The following PPP2R2B variants were observed in gnomAD, a reference collection of about 807,000 sequenced individuals.
PPP2R2B encodes protein phosphatase 2 regulatory subunit Bbeta, also known as serine/threonine-protein phosphatase 2A 55 kDa regulatory subunit B beta isoform.
A neutral mutation model predicts 46.0 loss-of-function variants in PPP2R2B; 5 were observed. The observed-to-expected ratio is 0.11, with a 90% CI of 0.06 to 0.23. PPP2R2B has a LOEUF of 0.23. PPP2R2B is among the 10% of genes least tolerant of loss of function. The pLI, the probability that PPP2R2B is intolerant of heterozygous loss-of-function variation, is 1.00. For missense variants in PPP2R2B, 367 were observed against 575.0 expected (o/e 0.64, Z 3.70); for synonymous variants, 215 against 206.7 (o/e 1.04, Z -0.34).
chr5:146,947,751 C>T (rs934038582), intron 1 of PPP2R2B, among the ~76,000 whole-genome samples: 2 of 151,862 alleles, frequency 1.3e-5, no homozygotes, highest in African/African-American at 4.8e-5. Context: ...TCACATCTCA[C>T]CATCTACCAC....
chr5:146,952,699 G>A (rs1354872019), intron 1 of PPP2R2B, among the ~76,000 whole-genome samples: 6 of 152,122 alleles, frequency 3.9e-5, no homozygotes, highest in African/African-American at 1.2e-4. Context: ...AAGGTACAAT[G>A]TTATAAGAAA....
chr5:146,743,939 T>C (rs1753026318), intron 2 of PPP2R2B, among the ~76,000 whole-genome samples: 1 of 152,178 alleles, frequency 6.6e-6, no homozygotes, highest in Non-Finnish European at 1.5e-5. Flanking sequence ...CTGACCTTAT[T>C]GATTATTTCC....
At chr5:146,899,972 G>A (rs2151434222) in intron 1 of PPP2R2B, among the ~76,000 whole-genome samples, 1 of 152,194 alleles carries the variant, frequency 6.6e-6, no homozygotes, top group South Asian at 2.1e-4. Context: ...ATTGTCACTG[G>A]AAAATTTCTT....
chr5:146,936,014 A>G (rs1764128143), intron 1 of PPP2R2B, among the ~76,000 whole-genome samples: 2 of 152,192 alleles, frequency 1.3e-5, no homozygotes, highest in Admixed American at 6.5e-5. Context: ...TGTACCTGGC[A>G]GATTGGAGGT....
chr5:146,643,686 A>G lies in PPP2R2B; in HGVS notation c.626-5271T>C, dbSNP rs571319807. Among the ~76,000 whole-genome samples the G allele has an allele frequency of 7.2e-5, 11 of 152,358 alleles. No homozygotes were observed. In the East Asian group the frequency reaches 1.9e-3, roughly 27 times the overall value. The stretch of plus-strand genomic sequence containing the variant: ...GTGCACCAAATTCTCACAAATCACC[A>G]CTAAAGAACTTACTCATGTAACCAA... On this transcript the variant is annotated intron_variant, in intron 6 of 9. Coordinates refer to ENST00000394411, the MANE Select transcript of PPP2R2B (RefSeq NM_181675.4).
chr5:147,007,382 T>G (rs2151874426), intron 1 of PPP2R2B, among the ~76,000 whole-genome samples: 1 of 152,148 alleles, frequency 6.6e-6, no homozygotes, highest in African/African-American at 2.4e-5. Flanking sequence ...CAATCAGCAC[T>G]CTGTAAAAAT....
chr5:146,857,670 C>T (rs1760753939), intron 2 of PPP2R2B, among the ~76,000 whole-genome samples: 1 of 151,694 alleles, frequency 6.6e-6, no homozygotes, highest in African/African-American at 2.4e-5. Flanking sequence ...TATCTTAAGA[C>T]ATATACATAA....
chr5:146,798,872 GAATTT>G lies in PPP2R2B; in HGVS notation c.70+79125_70+79129del. Among the ~76,000 whole-genome samples, 3 of 152,256 alleles carry G rather than the reference GAATTT, an allele frequency of 2.0e-5. No individual in the cohort carries two copies. In the East Asian group the frequency reaches 5.8e-4, roughly 29 times the overall value. ...TCAGGTCCATGTCTGTCTGACCTCA[GAATTT>G]GCTATCTTAGCCACTTCACTTCTGT... On this transcript the variant is annotated intron_variant, in intron 2 of 9. Coordinates refer to ENST00000394411, the MANE Select transcript of PPP2R2B (RefSeq NM_181675.4).
intron 2 of PPP2R2B, among the ~76,000 whole-genome samples, chr5:146,818,737 A>G (rs1322528317): frequency 6.6e-6 from 1 of 152,202 alleles, no homozygotes; most frequent in Non-Finnish European, 1.5e-5. Flanking sequence ...AAGTAATGGT[A>G]GGGATTTGAC....
intron 2 of PPP2R2B, among the ~76,000 whole-genome samples, chr5:146,877,549 G>A (rs1224189133): frequency 6.6e-6 from 1 of 152,086 alleles, no homozygotes; most frequent in African/African-American, 2.4e-5. Flanking sequence ...CTGGCCGGCC[G>A]GGGAGATGAA....
At chr5:146,841,390 A>C (rs985927768) in intron 2 of PPP2R2B, among the ~76,000 whole-genome samples, 4 of 152,130 alleles carry the variant, frequency 2.6e-5, no homozygotes, top group Non-Finnish European at 5.9e-5. Context: ...CCTCACATAC[A>C]CACAAAAGAA....
intron 5 of PPP2R2B, among the ~76,000 whole-genome samples, chr5:146,672,361 T>C (rs770842105): frequency 6.6e-6 from 1 of 152,128 alleles, no homozygotes; most frequent in Non-Finnish European, 1.5e-5. Context: ...AGACTAAATA[T>C]TCCTGAGTCT....
At chr5:146,851,068 G>GAAATGA (rs1561958526) in intron 2 of PPP2R2B, among the ~76,000 whole-genome samples, 1 of 151,958 alleles carries the variant, frequency 6.6e-6, no homozygotes, top group Non-Finnish European at 1.5e-5. Context: ...TTATCATATC[G>GAAATGA]AAATGAATAT....
intron 2 of PPP2R2B, among the ~76,000 whole-genome samples, chr5:146,768,109 C>T (rs530206568): frequency 2.6e-5 from 4 of 151,860 alleles, no homozygotes; most frequent in African/African-American, 4.8e-5. Context: ...GGTCTTACTC[C>T]GTCACCCAGG....
intron 1 of PPP2R2B, among the ~76,000 whole-genome samples, chr5:147,028,616 G>T (rs1053500755): frequency 6.6e-6 from 1 of 151,988 alleles, no homozygotes; most frequent in South Asian, 2.1e-4. Flanking sequence ...TTTCATTTAG[G>T]GTTATCATGA....
chr5:146,983,624 A>G (rs145258988), intron 1 of PPP2R2B, among the ~76,000 whole-genome samples: 43 of 152,256 alleles, frequency 2.8e-4, no homozygotes, highest in South Asian at 1.2e-3. Context: ...ACACTAGTTT[A>G]TTGTCCCCCA....
At chr5:146,907,992 C>T (rs546905008) in intron 1 of PPP2R2B, among the ~76,000 whole-genome samples, 58 of 152,162 alleles carry the variant, frequency 3.8e-4, no homozygotes, top group African/African-American at 1.3e-3. Context: ...GAAAAACTGC[C>T]GAGCAGAACA....
At chr5:146,921,890 G>A (rs1763620805) in intron 1 of PPP2R2B, among the ~76,000 whole-genome samples, 1 of 152,160 alleles carries the variant, frequency 6.6e-6, no homozygotes, top group Non-Finnish European at 1.5e-5. Flanking sequence ...CTATAAATGT[G>A]CAAGTCACTT....
intron 2 of PPP2R2B, among the ~76,000 whole-genome samples, chr5:146,814,323 C>T (rs1011971301): frequency 3.3e-5 from 5 of 151,908 alleles, no homozygotes; most frequent in Admixed American, 2.6e-4. Context: ...TACATGAAAT[C>T]CAAAGATGAC....
Sources: allele counts gnomAD v4.1 joint callset (sites outside exome capture counted in the v4.1 genomes callset), GRCh38; gene constraint gnomAD v4.1.1; transcripts MANE v1.5; gene names NCBI Gene and HGNC (gene_info 2026-07-23, HGNC 2026-07-21).